Variants in ASCC3 observed in about 807,000 individuals in gnomAD.
ASCC3 encodes activating signal cointegrator 1 complex subunit 3, also known as ASC-1 complex subunit P200.
ASCC3 carries 158 observed loss-of-function variants against 256.3 expected under a neutral mutation model. That is an observed-to-expected ratio of 0.62 (90% CI 0.54 to 0.70). The LOEUF (loss-of-function observed/expected upper bound fraction) is 0.70. Ranked by LOEUF, ASCC3 falls within the 30% of genes least tolerant of loss-of-function variation. ASCC3 has a pLI of 0.00. For synonymous variants in ASCC3, 948 were observed against 883.4 expected (o/e 1.07, Z -1.30); for missense variants, 2,259 against 2,626.0 (o/e 0.86, Z 3.05).
At chr6:100,597,830 C>T (rs1772382060) in intron 34 of ASCC3, among the ~76,000 whole-genome samples, 1 of 95,450 alleles carries the variant, frequency 1.0e-5, no homozygotes, top group Non-Finnish European at 2.1e-5. Flanking sequence ...AAAAATTAGC[C>T]GAGCATGGTG....
intron 37 of ASCC3, among the ~76,000 whole-genome samples, chr6:100,518,937 G>T (rs1226190579): frequency 6.6e-6 from 1 of 152,116 alleles, no homozygotes; most frequent in Non-Finnish European, 1.5e-5. Flanking sequence ...TTTGGGAAAT[G>T]AGGATATGAA....
chr6:100,533,091 CTGTTTTTTTTTGTTT>C (rs1774994677), intron 37 of ASCC3, among the ~76,000 whole-genome samples: 1 of 151,494 alleles, frequency 6.6e-6, no homozygotes. Context: ...ATCCCATTAG[CTGTTTTTTTTTGTTT>C]TGTTTTTTTG....
At chr6:100,576,773 C>A (rs1770886854) in intron 36 of ASCC3, among the ~76,000 whole-genome samples, 1 of 151,772 alleles carries the variant, frequency 6.6e-6, no homozygotes, top group Non-Finnish European at 1.5e-5. Context: ...TCGATAGAAT[C>A]TTTGCTTTCC....
intron 36 of ASCC3, among the ~76,000 whole-genome samples, chr6:100,552,196 G>A (rs1769335464): frequency 6.6e-6 from 1 of 151,590 alleles, no homozygotes; most frequent in African/African-American, 2.4e-5. Flanking sequence ...ATACTCTAAA[G>A]GATGTTAACT....
intron 10 of ASCC3, among the ~76,000 whole-genome samples, chr6:100,727,891 T>C (rs1408370325): frequency 1.3e-5 from 2 of 152,080 alleles, no homozygotes; most frequent in African/African-American, 4.8e-5. Flanking sequence ...AAATTTTCTA[T>C]ACCTGCTTAA....
intron 13 of ASCC3, among the ~76,000 whole-genome samples, chr6:100,713,787 C>A (rs2115018483): frequency 6.6e-6 from 1 of 152,126 alleles, no homozygotes; most frequent in Non-Finnish European, 1.5e-5. Flanking sequence ...ATTCCCTATA[C>A]AAAAAGAGTT....
chr6:100,681,662 G>A (rs567627326), intron 13 of ASCC3, among the ~76,000 whole-genome samples: 2 of 147,432 alleles, frequency 1.4e-5, no homozygotes, highest in South Asian at 4.3e-4. Flanking sequence ...GGGAGGCAGA[G>A]GTTGCAGTGA....
intron 13 of ASCC3, among the ~76,000 whole-genome samples, chr6:100,696,708 C>CTA (rs1778098881): frequency 1.3e-5 from 2 of 151,762 alleles, no homozygotes; most frequent in Non-Finnish European, 2.9e-5. Context: ...TGACTAAAGG[C>CTA]TATACTTAAA....
At chr6:100,658,758 G>T (rs954184709) in intron 16 of ASCC3, among the ~76,000 whole-genome samples, 2 of 151,574 alleles carry the variant, frequency 1.3e-5, no homozygotes, top group African/African-American at 4.8e-5. Flanking sequence ...CGTTCAGATT[G>T]TAGAGGCCTT....
At chr6:100,680,651 T>C (rs939411828) in intron 13 of ASCC3, among the ~76,000 whole-genome samples, 1 of 152,212 alleles carries the variant, frequency 6.6e-6, no homozygotes, top group African/African-American at 2.4e-5. Context: ...AAAGATAGTA[T>C]GTGTGGGTGC....
At chr6:100,709,137 C>T (rs77149508) in intron 13 of ASCC3, among the ~76,000 whole-genome samples, 2,176 of 152,072 alleles carry the variant, frequency 0.014, 42 homozygotes, top group African/African-American at 0.05. Flanking sequence ...CCTGTGACAA[C>T]AAAATGTTTT....
At position 100,870,818 on chromosome 6, in the gene ASCC3, A is replaced by G. The variant is rs1562359531; in HGVS notation, c.-41-2780T>C. ...TAACACTAGATAACATACTTCCTGG[A>G]GCATTTGGAAGAAAAAAATGAAAGC... is the stretch of plus-strand genomic sequence containing the variant. On this transcript the variant is annotated intron_variant, in intron 1 of 41. Transcript: ENST00000369162. Among the ~76,000 whole-genome samples, 3 of 152,310 alleles carry G rather than the reference A, an allele frequency of 2.0e-5. No individual in the cohort carries two copies. The East Asian group carries it at 5.8e-4, about 29-fold the overall frequency.
Position 100,652,798 on chromosome 6 carries a change from C to A in ASCC3, c.2915G>T (p.Arg972Leu). ...ATCAGTTGAGGAAAAATATCCAGTT[C>A]GCTCCTCAAAACGAATCATCTGAGC... The part of the protein sequence containing the change: ...DKAQMIRFEE[R>L]TGYFSSTDLG... Residue 972 changes from arginine (R) to leucine (L), a missense_variant, in exon 18 of 42, where the codon CGA becomes CTA. This residue lies in a region of ASCC3 where 1,839 missense variants were observed against 2,206.7 expected (regional missense o/e 0.83). Transcript: ENST00000369162. 6.2e-7 allele frequency: 1 copy of A among 1,613,864 alleles called. No individual in the cohort carries two copies. Among genetic ancestry groups the A allele is most frequent in the Non-Finnish European group, 8.5e-7 (1 of 1,179,902 alleles).
chr6:100,776,663 A>T (rs1300423650), intron 8 of ASCC3, among the ~76,000 whole-genome samples: 1 of 152,066 alleles, frequency 6.6e-6, no homozygotes, highest in Non-Finnish European at 1.5e-5. Flanking sequence ...TTTAAAAGTA[A>T]ACTGGATGAT....
At chr6:100,530,736 T>C in intron 37 of ASCC3, 1 of 953,304 alleles carries the variant, frequency 1.0e-6, no homozygotes, top group Non-Finnish European at 1.7e-6. Flanking sequence ...ACCAGGACAA[T>C]TTAAGGATTT....
chr6:100,692,383 T>G (rs1347917323), intron 13 of ASCC3, among the ~76,000 whole-genome samples: 1 of 152,074 alleles, frequency 6.6e-6, no homozygotes, highest in African/African-American at 2.4e-5. Context: ...AATTTATAAA[T>G]GCTTCACGTC....
chr6:100,679,131 C>A (rs1777163915), intron 14 of ASCC3, among the ~76,000 whole-genome samples: 1 of 151,502 alleles, frequency 6.6e-6, no homozygotes, highest in Non-Finnish European at 1.5e-5. Context: ...GACCCCAAGA[C>A]CTTTTTGTCC....
At chr6:100,703,051 A>G (rs1778420662) in intron 13 of ASCC3, among the ~76,000 whole-genome samples, 4 of 152,118 alleles carry the variant, frequency 2.6e-5, no homozygotes, top group Admixed American at 2.6e-4. Flanking sequence ...AATATAAACA[A>G]GACATGCCAT....
chr6:100,826,802 T>C (rs1455749144), intron 4 of ASCC3, among the ~76,000 whole-genome samples: 1 of 152,244 alleles, frequency 6.6e-6, no homozygotes, highest in Non-Finnish European at 1.5e-5. Flanking sequence ...GTTTTTTCAA[T>C]CAACTACTAA....
Sources: gnomAD v4.1 joint callset for allele counts (sites outside exome capture counted in the v4.1 genomes callset) on GRCh38, gnomAD v4.1.1 for gene constraint, gnomAD v4.1.1 regional missense constraint, MANE v1.5 for transcripts, NCBI Gene and HGNC (gene_info 2026-07-23, HGNC 2026-07-21) for gene names.